KIAA1549: variants seen among roughly 807,000 people sequenced by gnomAD.
The protein encoded by KIAA1549 is UPF0606 protein KIAA1549.
Under a neutral mutation model 156.4 loss-of-function variants are expected in KIAA1549, and 70 were observed. The ratio of observed to expected loss-of-function variants is 0.45; its 90% CI spans 0.37 to 0.55. The LOEUF (loss-of-function observed/expected upper bound fraction) is 0.55. KIAA1549 is among the 20% of genes least tolerant of loss of function. The pLI, the probability that KIAA1549 is intolerant of heterozygous loss-of-function variation, is 0.00. For synonymous variants in KIAA1549, 1,103 were observed against 1,066.4 expected (o/e 1.03, Z -0.67); for missense variants, 2,428 against 2,540.9 (o/e 0.96, Z 0.96).
At position 138,918,916 on chromosome 7, in the gene KIAA1549, C is replaced by T. The variant is rs112263100; in HGVS notation, c.710G>A (p.Arg237His). The T allele has an allele frequency of 2.9e-5, 46 of 1,613,856 alleles. No homozygotes were observed. Among genetic ancestry groups the T allele is most frequent in the Middle Eastern group, 1.6e-4 (1 of 6,084 alleles). Residue 237 changes from arginine to histidine, a missense_variant, in exon 2 of 20, where the codon CGC becomes CAC. Physicochemically the swap from Arg to His is conservative, Grantham distance 29. This residue lies in a region of KIAA1549 where 893 missense variants were observed against 847.9 expected (regional missense o/e 1.05). Coordinates refer to ENST00000422774, the MANE Select transcript of KIAA1549 (RefSeq NM_001164665.2). The surrounding 1 kb of genome is among the most constrained non-coding windows in gnomAD (Gnocchi z 4.2). Reference protein sequence around the residue: ...SHFHTFRSAFRTSEGIVPTPG... With the variant: ...SHFHTFRSAFHTSEGIVPTPG... Reference sequence around the variant, plus strand: ...AGTTGGAACGATGCCCTCAGAGGTGCGAAAAGCTGACCGAAAGGTGTGGAA... The same window carrying T: ...AGTTGGAACGATGCCCTCAGAGGTGTGAAAAGCTGACCGAAAGGTGTGGAA...
intron 1 of KIAA1549, among the ~76,000 whole-genome samples, chr7:138,950,122 A>C (rs1584778774): frequency 6.6e-6 from 1 of 152,214 alleles, no homozygotes; most frequent in Non-Finnish European, 1.5e-5. Flanking sequence ...GGAAGGGGAC[A>C]TGAGAGTTTC....
At chr7:138,942,279 G>A (rs928590187) in intron 1 of KIAA1549, among the ~76,000 whole-genome samples, 2 of 152,050 alleles carry the variant, frequency 1.3e-5, no homozygotes, top group African/African-American at 2.4e-5. Context: ...GAAGGCAAAC[G>A]AGAATTCTAA....
intron 1 of KIAA1549, among the ~76,000 whole-genome samples, chr7:138,928,142 C>CA (rs1397966867): frequency 6.6e-6 from 1 of 151,782 alleles, no homozygotes; most frequent in Non-Finnish European, 1.5e-5. Context: ...AGGATGGTCT[C>CA]AATCTCCTGA....
chr7:138,973,978 T>C (rs1814298478), intron 1 of KIAA1549, among the ~76,000 whole-genome samples: 1 of 152,174 alleles, frequency 6.6e-6, no homozygotes, highest in Non-Finnish European at 1.5e-5. Context: ...CTGGGATAGA[T>C]TAAAAATCAA....
At chr7:138,952,120 G>A (rs1413823173) in intron 1 of KIAA1549, among the ~76,000 whole-genome samples, 3 of 152,156 alleles carry the variant, frequency 2.0e-5, no homozygotes, top group Non-Finnish European at 2.9e-5. Flanking sequence ...CAGAGCCCCC[G>A]GCACTTTACC....
intron 1 of KIAA1549, among the ~76,000 whole-genome samples, chr7:138,928,411 C>T (rs571501696): frequency 7.2e-5 from 11 of 152,154 alleles, no homozygotes; most frequent in Admixed American, 2.0e-4. Flanking sequence ...CTCAGCCTCC[C>T]GAGTAGCTGA....
intron 7 of KIAA1549, among the ~76,000 whole-genome samples, chr7:138,904,687 A>C (rs1811957578): frequency 6.6e-6 from 1 of 150,456 alleles, no homozygotes; most frequent in Non-Finnish European, 1.5e-5. Flanking sequence ...TAAACTAAAC[A>C]AATAACACTT....
intron 16 of KIAA1549, among the ~76,000 whole-genome samples, chr7:138,856,133 G>A (rs1179138041): frequency 1.3e-5 from 2 of 150,954 alleles, no homozygotes; most frequent in African/African-American, 2.4e-5. Context: ...CCGGGTTCAC[G>A]CCATTCTCCT....
intron 15 of KIAA1549, among the ~76,000 whole-genome samples, chr7:138,866,424 A>G (rs531741826): frequency 5.3e-5 from 8 of 152,378 alleles, no homozygotes; most frequent in Admixed American, 3.9e-4. Context: ...GGCTGGTTGC[A>G]TAAGGTCTAT....
At chr7:138,942,378 A>G (rs1431452216) in intron 1 of KIAA1549, among the ~76,000 whole-genome samples, 2 of 151,662 alleles carry the variant, frequency 1.3e-5, no homozygotes, top group South Asian at 2.1e-4. Flanking sequence ...ACAACATGTA[A>G]AAGAGCAATA....
At chr7:138,871,766 A>C (rs1306663067) in intron 12 of KIAA1549, among the ~76,000 whole-genome samples, 2 of 152,236 alleles carry the variant, frequency 1.3e-5, no homozygotes, top group Non-Finnish European at 2.9e-5. Flanking sequence ...TATTGCTACC[A>C]TCTGGCAGGG....
chr7:138,921,701 C>T (rs1241039953), intron 1 of KIAA1549, among the ~76,000 whole-genome samples: 1 of 152,010 alleles, frequency 6.6e-6, no homozygotes. Flanking sequence ...CCCATCTCCA[C>T]TAAAAATACA....
Position 138,906,929 on chromosome 7 carries a change from C to G in KIAA1549, c.3450G>C (p.Gln1150His), listed in dbSNP as rs377434618. The part of the protein sequence containing the change: ...FSFYLGYPVL[Q>H]IAEPFQYPQL... The stretch of plus-strand genomic sequence containing the variant: ...GAGGGCTGTACTCACGCTCTGCGAT[C>G]TGCAGCACTGGGTATCCCAGATAGA... Residue 1150 changes from glutamine (Q) to histidine (H), a missense_variant, in exon 6 of 20, where the codon CAG (glutamine) becomes CAC (histidine). Physicochemically the swap from Gln to His is conservative, Grantham distance 24. This residue lies in a region of KIAA1549 where 762 missense variants were observed against 901.6 expected (regional missense o/e 0.85). Coordinates refer to ENST00000422774, the MANE Select transcript of KIAA1549 (RefSeq NM_001164665.2). 2.0e-5 allele frequency: 32 copies of G among 1,599,490 alleles called. No homozygotes were observed. Among genetic ancestry groups the G allele is most frequent in the Non-Finnish European group, 2.3e-5 (27 of 1,174,242 alleles).
chr7:138,941,968 A>G (rs1813195909), intron 1 of KIAA1549, among the ~76,000 whole-genome samples: 1 of 151,906 alleles, frequency 6.6e-6, no homozygotes, highest in African/African-American at 2.4e-5. Flanking sequence ...TATGTTATGT[A>G]TATTTTACCA....
intron 8 of KIAA1549, among the ~76,000 whole-genome samples, chr7:138,900,394 AG>A (rs1297464920): frequency 6.6e-6 from 1 of 152,238 alleles, no homozygotes; most frequent in Non-Finnish European, 1.5e-5. Context: ...GCTACTGAAA[AG>A]GAAGTAGATT....
intron 16 of KIAA1549, among the ~76,000 whole-genome samples, chr7:138,858,861 C>G (rs1810470264): frequency 1.3e-5 from 2 of 152,016 alleles, no homozygotes; most frequent in African/African-American, 4.8e-5. Flanking sequence ...AAAAAATTAG[C>G]CAGGCGAGGT....
intron 9 of KIAA1549, among the ~76,000 whole-genome samples, chr7:138,898,515 A>C (rs1255061431): frequency 1.3e-5 from 2 of 152,066 alleles, no homozygotes; most frequent in East Asian, 3.9e-4. Flanking sequence ...GTGTTAAAAG[A>C]CCCTGAAGGA....
intron 16 of KIAA1549, among the ~76,000 whole-genome samples, chr7:138,855,023 C>A (rs1486695203): frequency 2.6e-5 from 4 of 152,112 alleles, no homozygotes; most frequent in Admixed American, 6.6e-5. Flanking sequence ...CGATGTGGCT[C>A]CTAAGCCCAT....
At chr7:138,953,465 A>G (rs1813556371) in intron 1 of KIAA1549, among the ~76,000 whole-genome samples, 1 of 152,236 alleles carries the variant, frequency 6.6e-6, no homozygotes. Context: ...AATTATAAAA[A>G]GATACATTTT....
Sources: allele counts gnomAD v4.1 joint callset (sites outside exome capture counted in the v4.1 genomes callset), GRCh38; gene constraint gnomAD v4.1.1; regional missense constraint gnomAD v4.1.1; non-coding constraint Gnocchi (gnomAD v3.1); transcripts MANE v1.5; gene names NCBI Gene and HGNC (gene_info 2026-07-23, HGNC 2026-07-21).